Variants in LRRC4C observed in about 807,000 individuals in gnomAD.
The protein encoded by LRRC4C is leucine rich repeat containing 4C.
Under a neutral mutation model 33.6 loss-of-function variants are expected in LRRC4C, and 5 were observed. The ratio of observed to expected loss-of-function variants is 0.15; its 90% CI spans 0.08 to 0.31. LRRC4C has a LOEUF of 0.31. LRRC4C is among the 10% of genes least tolerant of loss of function. The pLI, the probability that LRRC4C is intolerant of heterozygous loss-of-function variation, is 1.00. For missense variants in LRRC4C, 560 were observed against 796.7 expected (o/e 0.70, Z 3.58); for synonymous variants, 329 against 302.0 (o/e 1.09, Z -0.93).
chr11:40,965,152 G>T (rs1263056709), intron 1 of LRRC4C, among the ~76,000 whole-genome samples: 1 of 152,034 alleles, frequency 6.6e-6, no homozygotes, highest in Non-Finnish European at 1.5e-5. Flanking sequence ...GTGTTTTTTG[G>T]CTGCATAAAT....
At chr11:40,627,253 T>TAGAGAGAGAG (rs58297752) in intron 3 of LRRC4C, among the ~76,000 whole-genome samples, 1 of 129,056 alleles carries the variant, frequency 7.7e-6, no homozygotes, top group African/African-American at 3.0e-5. Context: ...TGTTTCCCAT[T>TAGAGAGAGAG]AGAGAGAGAG....
chr11:40,477,215 A>T (rs536151345), intron 3 of LRRC4C, among the ~76,000 whole-genome samples: 26 of 152,288 alleles, frequency 1.7e-4, no homozygotes, highest in Non-Finnish European at 3.2e-4. Context: ...AAATTTTTAG[A>T]TATTATAAAT....
At chr11:40,477,132 T>C (rs942701757) in intron 3 of LRRC4C, among the ~76,000 whole-genome samples, 10 of 152,336 alleles carry the variant, frequency 6.6e-5, no homozygotes, top group African/African-American at 2.4e-4. Context: ...TGCCATTAAA[T>C]TTGGGGAATT....
At chr11:40,469,413 A>G (rs1353255003) in intron 3 of LRRC4C, among the ~76,000 whole-genome samples, 1 of 152,114 alleles carries the variant, frequency 6.6e-6, no homozygotes, top group African/African-American at 2.4e-5. Flanking sequence ...TCAGGTGACT[A>G]TACCACCAGG....
At chr11:40,915,795 C>A (rs1293182840) in intron 2 of LRRC4C, among the ~76,000 whole-genome samples, 3 of 152,088 alleles carry the variant, frequency 2.0e-5, no homozygotes, top group Admixed American at 1.3e-4. Context: ...GCAATCTACT[C>A]ATCTGACAAA....
intron 1 of LRRC4C, among the ~76,000 whole-genome samples, chr11:41,051,797 C>T (rs1858248949): frequency 1.3e-5 from 2 of 152,130 alleles, no homozygotes; most frequent in Admixed American, 1.3e-4. Context: ...TTCACCACCA[C>T]TGAATATGCC....
chr11:40,633,281 CAA>C (rs1172389073), intron 3 of LRRC4C, among the ~76,000 whole-genome samples: 5,688 of 151,832 alleles, frequency 0.037, 372 homozygotes, highest in African/African-American at 0.13. Context: ...ATGGGCTTTG[CAA>C]TAACAGGCCT....
intron 2 of LRRC4C, among the ~76,000 whole-genome samples, chr11:40,733,244 T>A (rs1475013201): frequency 2.0e-5 from 3 of 151,506 alleles, no homozygotes; most frequent in Non-Finnish European, 4.4e-5. Flanking sequence ...CCCGGCTAAT[T>A]TTTTGTGTAT....
intron 1 of LRRC4C, among the ~76,000 whole-genome samples, chr11:41,333,078 A>G (rs1195446865): frequency 1.3e-5 from 2 of 152,228 alleles, no homozygotes; most frequent in African/African-American, 4.8e-5. Context: ...GAAACACTTG[A>G]AAGAAGAAAA....
At chr11:41,298,421 T>A (rs1950199983) in intron 1 of LRRC4C, among the ~76,000 whole-genome samples, 1 of 152,064 alleles carries the variant, frequency 6.6e-6, no homozygotes, top group Non-Finnish European at 1.5e-5. Flanking sequence ...TGAACTTTTT[T>A]TTTTTTTAAG....
intron 1 of LRRC4C, among the ~76,000 whole-genome samples, chr11:41,080,653 T>C (rs1484211024): frequency 2.0e-5 from 3 of 152,116 alleles, no homozygotes; most frequent in Non-Finnish European, 2.9e-5. Context: ...ATCCCTGGCC[T>C]ATCAGAATCT....
intron 3 of LRRC4C, among the ~76,000 whole-genome samples, chr11:40,328,019 A>G (rs1051009961): frequency 6.6e-6 from 1 of 152,110 alleles, no homozygotes; most frequent in African/African-American, 2.4e-5. Context: ...GTTAACAAAT[A>G]TGTACCACAG....
intron 3 of LRRC4C, among the ~76,000 whole-genome samples, chr11:40,565,668 C>T (rs1227639926): frequency 6.6e-6 from 1 of 152,110 alleles, no homozygotes; most frequent in Non-Finnish European, 1.5e-5. Context: ...TTTCTCTCCC[C>T]ATGTGCCTTC....
chr11:40,692,638 G>A (rs1350259739), intron 2 of LRRC4C, among the ~76,000 whole-genome samples: 1 of 152,026 alleles, frequency 6.6e-6, no homozygotes, highest in East Asian at 1.9e-4. Flanking sequence ...TTGTTCATGA[G>A]ATGATGTTGA....
intron 1 of LRRC4C, among the ~76,000 whole-genome samples, chr11:41,095,754 T>G (rs1257704356): frequency 6.6e-6 from 1 of 152,176 alleles, no homozygotes. Context: ...GAAAGTCAGG[T>G]TTTCACTGCA....
chr11:40,485,136 G>T (rs183459866), intron 3 of LRRC4C, among the ~76,000 whole-genome samples: 1 of 151,954 alleles, frequency 6.6e-6, no homozygotes, highest in Non-Finnish European at 1.5e-5. Context: ...TCAATAAGAT[G>T]CAGAAGGCAG....
chr11:41,404,329 G>T (rs553793542), intron 1 of LRRC4C, among the ~76,000 whole-genome samples: 72 of 152,058 alleles, frequency 4.7e-4, no homozygotes, highest in African/African-American at 1.7e-3. Context: ...AGTCATGTTT[G>T]CTTTCTAGTA....
intron 1 of LRRC4C, among the ~76,000 whole-genome samples, chr11:41,371,095 T>C (rs1453911583): frequency 3.9e-5 from 6 of 152,212 alleles, no homozygotes; most frequent in Non-Finnish European, 1.5e-5. Flanking sequence ...AAATATTGTT[T>C]CTCAAAAGGT....
intron 3 of LRRC4C, among the ~76,000 whole-genome samples, chr11:40,569,618 A>G (rs1957901379): frequency 6.6e-6 from 1 of 152,112 alleles, no homozygotes; most frequent in Non-Finnish European, 1.5e-5. Flanking sequence ...TTGGACTATA[A>G]AATGCGACTA....
Sources: gnomAD v4.1 joint callset for allele counts (sites outside exome capture counted in the v4.1 genomes callset) on GRCh38, gnomAD v4.1.1 for gene constraint, MANE v1.5 for transcripts, NCBI Gene and HGNC (gene_info 2026-07-23, HGNC 2026-07-21) for gene names.